Variants in NTM observed in about 807,000 individuals in gnomAD.
NTM encodes neurotrimin.
NTM carries 13 observed loss-of-function variants against 42.1 expected under a neutral mutation model. That is an observed-to-expected ratio of 0.31 (90% CI 0.20 to 0.49). NTM has a LOEUF of 0.49. NTM is among the 20% of genes least tolerant of loss of function. The probability of loss-of-function intolerance (pLI) is 0.99; values close to 1 mark genes in which losing one functional copy is unlikely to be tolerated. For missense variants in NTM, 373 were observed against 452.8 expected (o/e 0.82, Z 1.60); for synonymous variants, 187 against 179.2 (o/e 1.04, Z -0.35).
At chr11:131,503,337 C>T (rs907220676) in intron 1 of NTM, among the ~76,000 whole-genome samples, 1 of 152,072 alleles carries the variant, frequency 6.6e-6, no homozygotes, top group Non-Finnish European at 1.5e-5. Context: ...CAGGGTAGAT[C>T]TGGGGAGGAT....
At position 131,761,372 on chromosome 11, in the gene NTM, C is replaced by T. The variant is rs188481034; in HGVS notation, c.83-150192C>T. ...GGTTACAGATGGAATGTTTTATATC[C>T]CCCTCCCCAAATTCCTATGTTGAAG... On this transcript the variant is annotated intron_variant, in intron 1 of 8. Coordinates refer to ENST00000683400, the MANE Select transcript of NTM (RefSeq NM_001352005.2). 1.6e-4 allele frequency among the ~76,000 whole-genome samples: 25 copies of T among 152,194 alleles called. No individual in the cohort carries two copies. In the East Asian group the frequency reaches 4.8e-3, roughly 29 times the overall value.
In NTM at chr11:131,423,150, T is replaced by C. The variant is rs564522569; in HGVS notation, c.82+52262T>C. 1.1e-3 allele frequency among the ~76,000 whole-genome samples: 162 copies of C among 152,338 alleles called. 1 individual carries two copies. The highest frequency in any genetic ancestry group is 3.7e-3 in the African/African-American group (152 of 41,578). Reference sequence around the variant, plus strand: ...ACATTTGAACAAGATCCTTAGATTATACATATGCATATTATAGCTTCAAAG... The same window carrying C: ...ACATTTGAACAAGATCCTTAGATTACACATATGCATATTATAGCTTCAAAG... On this transcript the variant is annotated intron_variant, in intron 1 of 8. Transcript: ENST00000683400.
At chr11:131,648,942 A>G (rs1308977551) in intron 1 of NTM, among the ~76,000 whole-genome samples, 1 of 152,250 alleles carries the variant, frequency 6.6e-6, no homozygotes, top group African/African-American at 2.4e-5. Flanking sequence ...CCAGGGTTAC[A>G]TGAATTCAAA....
At chr11:131,660,566 G>A (rs1251441380) in intron 1 of NTM, 4 of 457,502 alleles carry the variant, frequency 8.7e-6, no homozygotes, top group South Asian at 3.1e-5. Flanking sequence ...GGTGAAAAGC[G>A]GCTCCTCATG....
In NTM at chr11:131,911,029, G is replaced by A. The variant is rs1175474034; in HGVS notation, c.83-535G>A. 6 of 1,030,066 alleles carry A rather than the reference G, an allele frequency of 5.8e-6. No homozygotes were observed. In the East Asian group the frequency reaches 4.8e-4, roughly 82 times the overall value. The allele number at this position is 1,030,066 out of a possible 1,614,324, so 63.8% of individuals were successfully genotyped here. On this transcript the variant is annotated intron_variant, in intron 1 of 8. Coordinates refer to ENST00000683400, the MANE Select transcript of NTM (RefSeq NM_001352005.2). ...ACTTACAAAGTGTTGGATGTCCCCC[G>A]TTCGAACTGAGGGACTGCAGACCGC...
At chr11:131,382,325 G>C (rs1942791053) in intron 1 of NTM, among the ~76,000 whole-genome samples, 2 of 152,168 alleles carry the variant, frequency 1.3e-5, no homozygotes, top group African/African-American at 4.8e-5. Flanking sequence ...GAATGACAGA[G>C]AAGGATGCTT....
chr11:131,906,263 G>A (rs2053838721), intron 1 of NTM, among the ~76,000 whole-genome samples: 1 of 152,144 alleles, frequency 6.6e-6, no homozygotes, highest in African/African-American at 2.4e-5. Flanking sequence ...GGCCACAGAT[G>A]ATGCAGCAGC....
chr11:131,904,102 G>A (rs2053541500), intron 1 of NTM, among the ~76,000 whole-genome samples: 1 of 152,020 alleles, frequency 6.6e-6, no homozygotes, highest in African/African-American at 2.4e-5. Context: ...AAGTACAGTT[G>A]GACCCATATG....
intron 1 of NTM, among the ~76,000 whole-genome samples, chr11:131,493,187 C>T (rs1048318665): frequency 6.6e-6 from 1 of 152,034 alleles, no homozygotes; most frequent in Admixed American, 6.5e-5. Context: ...CGTAGTGAGC[C>T]GTGATCACAC....
chr11:132,269,439 C>G (rs1004183154), intron 4 of NTM, among the ~76,000 whole-genome samples: 1 of 152,134 alleles, frequency 6.6e-6, no homozygotes, highest in African/African-American at 2.4e-5. Flanking sequence ...ATTTCACTAC[C>G]GTTTGGTACT....
chr11:131,580,445 A>G (rs2058307079), intron 1 of NTM, among the ~76,000 whole-genome samples: 1 of 152,190 alleles, frequency 6.6e-6, no homozygotes, highest in Admixed American at 6.5e-5. Flanking sequence ...GGGCAGCTAT[A>G]GATCATGCTA....
At chr11:132,030,457 A>G (rs1441487585) in intron 2 of NTM, among the ~76,000 whole-genome samples, 1 of 152,214 alleles carries the variant, frequency 6.6e-6, no homozygotes, top group African/African-American at 2.4e-5. Context: ...TTTCTGGCCT[A>G]TAGGCTAAAA....
intron 2 of NTM, among the ~76,000 whole-genome samples, chr11:131,945,290 A>G (rs1247513026): frequency 6.6e-6 from 1 of 152,162 alleles, no homozygotes; most frequent in African/African-American, 2.4e-5. Context: ...CGGTGCATTC[A>G]GGGGTTTAAT....
intron 2 of NTM, among the ~76,000 whole-genome samples, chr11:132,106,953 C>T (rs780883649): frequency 2.6e-5 from 4 of 151,920 alleles, no homozygotes; most frequent in East Asian, 3.9e-4. Flanking sequence ...ATTTTAGTGC[C>T]GGTCTTTGTG....
intron 1 of NTM, among the ~76,000 whole-genome samples, chr11:131,656,952 C>A (rs1481270720): frequency 6.6e-6 from 1 of 152,038 alleles, no homozygotes; most frequent in Non-Finnish European, 1.5e-5. Flanking sequence ...CCGTGGTGGT[C>A]TGGCGCTGTT....
chr11:131,813,376 T>C (rs2092817472), intron 1 of NTM, among the ~76,000 whole-genome samples: 1 of 152,132 alleles, frequency 6.6e-6, no homozygotes, highest in Non-Finnish European at 1.5e-5. Flanking sequence ...GATGCAAAGA[T>C]GAATAATATG....
intron 4 of NTM, among the ~76,000 whole-genome samples, chr11:132,245,455 C>T (rs919017091): frequency 2.6e-5 from 4 of 151,894 alleles, no homozygotes; most frequent in Non-Finnish European, 5.9e-5. Flanking sequence ...GAGCGTGCAC[C>T]GGGGAGGCTG....
At chr11:131,764,043 G>A (rs868767867) in intron 1 of NTM, among the ~76,000 whole-genome samples, 34 of 151,978 alleles carry the variant, frequency 2.2e-4, no homozygotes, top group African/African-American at 7.7e-4. Context: ...GATTTATGGT[G>A]AAGATGCTAG....
intron 1 of NTM, among the ~76,000 whole-genome samples, chr11:131,582,651 C>G (rs929917584): frequency 3.3e-5 from 5 of 151,898 alleles, no homozygotes; most frequent in African/African-American, 1.2e-4. Flanking sequence ...TCAATGGATG[C>G]CTTCAAAACA....
Sources: gnomAD v4.1 joint callset for allele counts (sites outside exome capture counted in the v4.1 genomes callset) on GRCh38, gnomAD v4.1.1 for gene constraint, MANE v1.5 for transcripts, NCBI Gene and HGNC (gene_info 2026-07-23, HGNC 2026-07-21) for gene names.